Variants in FHIT observed in about 807,000 individuals in gnomAD.
FHIT encodes fragile histidine triad diadenosine triphosphatase, also known as bis(5'-adenosyl)-triphosphatase.
Under a neutral mutation model 17.9 loss-of-function variants are expected in FHIT, and 19 were observed. The observed-to-expected ratio is 1.06, with a 90% CI of 0.74 to 1.56. FHIT has a LOEUF of 1.56. Ranked by LOEUF, FHIT falls within the 40% of genes most tolerant of loss-of-function variation. The pLI, the probability that FHIT is intolerant of heterozygous loss-of-function variation, is 0.00. For synonymous variants in FHIT, 81 were observed against 69.7 expected (o/e 1.16, Z -0.81); for missense variants, 248 against 189.2 (o/e 1.31, Z -1.82).
At chr3:60,016,099 T>C (rs9311745) in intron 5 of FHIT, among the ~76,000 whole-genome samples, 16,249 of 152,214 alleles carry the variant, frequency 0.11, 1,303 homozygotes, top group East Asian at 0.31. Flanking sequence ...TGAAGACACA[T>C]TTACTTCTGG....
intron 2 of FHIT, among the ~76,000 whole-genome samples, chr3:61,064,020 C>G (rs902832019): frequency 6.6e-6 from 1 of 152,052 alleles, no homozygotes; most frequent in African/African-American, 2.4e-5. Context: ...TCTCAGGTAC[C>G]TGCAGGTGGT....
At chr3:59,814,986 A>C (rs1700545872) in intron 8 of FHIT, among the ~76,000 whole-genome samples, 1 of 152,244 alleles carries the variant, frequency 6.6e-6, no homozygotes, top group African/African-American at 2.4e-5. Context: ...CACACTATTC[A>C]TAGAAATGGG....
At chr3:59,809,510 A>T (rs1004994067) in intron 8 of FHIT, among the ~76,000 whole-genome samples, 3 of 152,160 alleles carry the variant, frequency 2.0e-5, no homozygotes, top group African/African-American at 7.2e-5. Context: ...CAGTCCTAGG[A>T]AGCTAACATA....
At chr3:60,501,397 T>C (rs1299800571) in intron 5 of FHIT, among the ~76,000 whole-genome samples, 3 of 152,212 alleles carry the variant, frequency 2.0e-5, no homozygotes, top group Non-Finnish European at 4.4e-5. Context: ...CTCAGTTCTA[T>C]AGATATTTTT....
chr3:59,971,726 G>T (rs147049696), intron 7 of FHIT, among the ~76,000 whole-genome samples: 9 of 152,090 alleles, frequency 5.9e-5, no homozygotes, highest in Non-Finnish European at 1.2e-4. Flanking sequence ...CCATGTCCAG[G>T]TTGCCCCATT....
chr3:60,175,161 C>T (rs1234213274), intron 5 of FHIT, among the ~76,000 whole-genome samples: 1 of 152,104 alleles, frequency 6.6e-6, no homozygotes. Flanking sequence ...TAATAAAACA[C>T]CCCTCTTTCC....
chr3:60,096,421 C>T (rs989756296), intron 5 of FHIT, among the ~76,000 whole-genome samples: 1 of 152,100 alleles, frequency 6.6e-6, no homozygotes, highest in African/African-American at 2.4e-5. Flanking sequence ...CGGCATTATT[C>T]AGAAAGAATC....
At chr3:60,682,601 A>G (rs1314140692) in intron 4 of FHIT, among the ~76,000 whole-genome samples, 2 of 152,192 alleles carry the variant, frequency 1.3e-5, no homozygotes, top group East Asian at 3.9e-4. Flanking sequence ...ATTGCTCAGA[A>G]AAAAGATTCC....
At chr3:59,802,780 A>C (rs1700051234) in intron 8 of FHIT, among the ~76,000 whole-genome samples, 2 of 152,332 alleles carry the variant, frequency 1.3e-5, no homozygotes, top group Admixed American at 1.3e-4. Context: ...GTGTTCATTG[A>C]GGGCCAGAAA....
At chr3:60,077,951 C>A (rs1394150916) in intron 5 of FHIT, among the ~76,000 whole-genome samples, 1 of 151,938 alleles carries the variant, frequency 6.6e-6, no homozygotes, top group African/African-American at 2.4e-5. Context: ...TATCCCATAT[C>A]ATACTTTAAA....
At chr3:59,812,039 G>A (rs773443183) in intron 8 of FHIT, among the ~76,000 whole-genome samples, 4 of 152,154 alleles carry the variant, frequency 2.6e-5, no homozygotes, top group Non-Finnish European at 5.9e-5. Context: ...TCAACTGGGG[G>A]AGATTCTGCC....
intron 5 of FHIT, among the ~76,000 whole-genome samples, chr3:60,187,766 G>A (rs758953840): frequency 3.3e-5 from 5 of 152,164 alleles, no homozygotes; most frequent in Non-Finnish European, 7.3e-5. Flanking sequence ...GATTTAAGAA[G>A]AGAATTGTGC....
intron 5 of FHIT, among the ~76,000 whole-genome samples, chr3:60,215,505 G>C (rs1278566933): frequency 2.6e-5 from 4 of 152,086 alleles, no homozygotes; most frequent in African/African-American, 7.2e-5. Flanking sequence ...GGAGTTTGCA[G>C]TGAGCCAAGA....
intron 4 of FHIT, among the ~76,000 whole-genome samples, chr3:60,788,888 G>T (rs1456658879): frequency 6.6e-6 from 1 of 151,830 alleles, no homozygotes. Context: ...TACTTCAAAT[G>T]TTTTACATAG....
At chr3:59,806,193 G>T (rs530187471) in intron 8 of FHIT, among the ~76,000 whole-genome samples, 1 of 148,270 alleles carries the variant, frequency 6.7e-6, no homozygotes, top group South Asian at 2.1e-4. Context: ...AAAAAAAAAA[G>T]ATCATGGGGA....
chr3:59,860,265 G>A (rs1252051391), intron 8 of FHIT, among the ~76,000 whole-genome samples: 1 of 152,144 alleles, frequency 6.6e-6, no homozygotes, highest in African/African-American at 2.4e-5. Flanking sequence ...TGATGATCAG[G>A]AATGCAAATG....
chr3:59,946,268 T>C (rs1459842814), intron 7 of FHIT, among the ~76,000 whole-genome samples: 2 of 152,210 alleles, frequency 1.3e-5, no homozygotes, highest in Non-Finnish European at 2.9e-5. Flanking sequence ...GGTATTTTTT[T>C]GTGTGTGTTT....
chr3:60,521,137 T>C (rs923856714), intron 5 of FHIT, among the ~76,000 whole-genome samples: 5 of 152,186 alleles, frequency 3.3e-5, no homozygotes, highest in Admixed American at 2.0e-4. Flanking sequence ...AAATTCCATT[T>C]AAGCTTCAGT....
intron 5 of FHIT, among the ~76,000 whole-genome samples, chr3:60,084,285 A>G (rs1215375399): frequency 6.6e-6 from 1 of 152,186 alleles, no homozygotes; most frequent in Non-Finnish European, 1.5e-5. Context: ...AAGTTACAAC[A>G]ATAAAAAGGA....
Sources: gnomAD v4.1 joint callset for allele counts (sites outside exome capture counted in the v4.1 genomes callset) on GRCh38, gnomAD v4.1.1 for gene constraint, MANE v1.5 for transcripts, NCBI Gene and HGNC (gene_info 2026-07-23, HGNC 2026-07-21) for gene names.